EOGT: variants seen among roughly 807,000 people sequenced by gnomAD.
EOGT encodes the protein EGF domain-specific O-linked N-acetylglucosamine transferase.
EOGT carries 55 observed loss-of-function variants against 70.5 expected under a neutral mutation model. The observed-to-expected ratio is 0.78, with a 90% CI of 0.63 to 0.98. The LOEUF (loss-of-function observed/expected upper bound fraction) is 0.98. EOGT is among the 50% of genes least tolerant of loss of function. EOGT has a pLI of 0.00. For missense variants in EOGT, 703 were observed against 641.9 expected (o/e 1.10, Z -1.03); for synonymous variants, 246 against 217.1 (o/e 1.13, Z -1.17).
Position 69,004,500 on chromosome 3 carries a change from A to G in EOGT, c.516-18T>C, listed in dbSNP as rs371691021. ...CCTTAAATCTGGTATATAACAAAAC[A>G]TTAAGTTAAGTTCAGAAAACGTCTT... On this transcript the variant is annotated intron_variant, in intron 7 of 17. Coordinates refer to ENST00000383701, the MANE Select transcript of EOGT (RefSeq NM_001278689.2). 7.7e-5 allele frequency: 122 copies of G among 1,575,936 alleles called. 2 individuals are homozygous for G. In the East Asian group the frequency reaches 1.2e-3, roughly 16 times the overall value.
intron 14 of EOGT, among the ~76,000 whole-genome samples, chr3:68,984,288 A>C (rs1016142670): frequency 5.3e-5 from 8 of 152,088 alleles, no homozygotes; most frequent in African/African-American, 1.7e-4. Flanking sequence ...ACAGCCACTG[A>C]AATCTTATAA....
At chr3:68,985,145 T>C (rs2090767955) in intron 14 of EOGT, among the ~76,000 whole-genome samples, 1 of 152,228 alleles carries the variant, frequency 6.6e-6, no homozygotes, top group Non-Finnish European at 1.5e-5. Flanking sequence ...GCACTCAATA[T>C]GTATGGTCTA....
chr3:69,008,405 G>C (rs1014360255), intron 5 of EOGT, 23 bp downstream of exon 5: 4 of 1,511,826 alleles, frequency 2.6e-6, no homozygotes, highest in Non-Finnish European at 2.8e-6. Context: ...GACTTGAAGA[G>C]GGTATTCCAT....
At chr3:69,008,644 G>A (rs552082531) in intron 4 of EOGT, 116 bp from the exon 5 acceptor site, 13 of 692,444 alleles carry the variant, frequency 1.9e-5, no homozygotes, top group Admixed American at 5.4e-5. Context: ...TTTATAATAC[G>A]TATTCTTATA....
intron 16 of EOGT, 36 bp downstream of exon 16, chr3:68,979,632 A>C: frequency 6.2e-7 from 1 of 1,606,362 alleles, no homozygotes; most frequent in East Asian, 2.2e-5. Flanking sequence ...AAGCATTATC[A>C]GTTGCTTCAG....
intron 10 of EOGT, 93 bp downstream of exon 10, chr3:68,997,918 A>G (rs1485728721): frequency 1.8e-5 from 13 of 735,192 alleles, no homozygotes; most frequent in Non-Finnish European, 2.8e-5. Flanking sequence ...GTTGAAATAT[A>G]TGTGTCTTTG....
intron 3 of EOGT, 28 bp downstream of exon 3, chr3:69,011,905 CAAT>C (rs1280083329): frequency 3.3e-5 from 5 of 152,236 alleles, no homozygotes; most frequent in Non-Finnish European, 7.4e-5. Context: ...TTAATAGTAA[CAAT>C]GACTCTACTT....
chr3:69,008,065 C>G (rs1202470935), intron 5 of EOGT, among the ~76,000 whole-genome samples: 16 of 152,142 alleles, frequency 1.1e-4, no homozygotes, highest in Admixed American at 1.0e-3. Flanking sequence ...GAAACTGAAG[C>G]CAATGATGCA....
chr3:68,993,965 T>A (rs2091072204), intron 10 of EOGT, among the ~76,000 whole-genome samples: 1 of 152,076 alleles, frequency 6.6e-6, no homozygotes, highest in Non-Finnish European at 1.5e-5. Flanking sequence ...TCCCACAACA[T>A]GTGGGAATTC....
rs554651022 is a variant in EOGT at position 68,977,507 on chromosome 3, T to C, written c.*111A>G. Reference sequence around the variant, plus strand: ...AATATCCTGAAGGTATGTTTTGGCATAGAAAAGGTAATTCGGGGATAGGAA... The same window carrying C: ...AATATCCTGAAGGTATGTTTTGGCACAGAAAAGGTAATTCGGGGATAGGAA... On this transcript the variant is annotated 3_prime_UTR_variant, in exon 18 of 18. Coordinates refer to ENST00000383701, the MANE Select transcript of EOGT (RefSeq NM_001278689.2). The C allele has an allele frequency of 1.1e-5, 12 of 1,142,766 alleles. No homozygotes were observed. Among genetic ancestry groups the C allele is most frequent in the East Asian group, 4.8e-5 (2 of 41,614 alleles). 70.8% of individuals were successfully genotyped at this position (1,142,766 alleles called of 1,614,324 possible). A position where few individuals can be genotyped will look rare whatever the true frequency, so the allele number is the denominator to read the frequency against.
intron 13 of EOGT, 66 bp downstream of exon 13, chr3:68,988,229 G>T: frequency 9.3e-7 from 1 of 1,075,954 alleles, no homozygotes; most frequent in African/African-American, 1.6e-5. Context: ...TTCTGAAAAG[G>T]TGGTATCGAT....
At chr3:68,999,614 T>G (rs1296521473) in intron 9 of EOGT, among the ~76,000 whole-genome samples, 1 of 152,168 alleles carries the variant, frequency 6.6e-6, no homozygotes, top group South Asian at 2.1e-4. Flanking sequence ...TAGCTGATTG[T>G]TTGGAAGGGC....
chr3:68,978,269 C>T, intron 17 of EOGT, 64 bp downstream of exon 17: 1 of 1,157,310 alleles, frequency 8.6e-7, no homozygotes, highest in Non-Finnish European at 1.3e-6. Context: ...TTTTTCATAT[C>T]AATAATTGGA....
chr3:69,001,482 G>A (rs549807903), intron 9 of EOGT, 126 bp downstream of exon 9: 16 of 596,774 alleles, frequency 2.7e-5, no homozygotes, highest in African/African-American at 2.1e-4. Flanking sequence ...AGAGAAGAAA[G>A]CAAAAAAAAC....
chr3:68,987,046 A>T (rs192977704), intron 14 of EOGT, among the ~76,000 whole-genome samples: 100 of 152,350 alleles, frequency 6.6e-4, no homozygotes, highest in Non-Finnish European at 2.9e-4. Flanking sequence ...TGGTCATGTA[A>T]GAGGACAGAG....
At position 68,976,621 on chromosome 3, in the gene EOGT, T is replaced by C. The variant is rs2090477746; in HGVS notation, c.*997A>G. 6.8e-6 allele frequency: 1 copy of C among 147,158 alleles called. No homozygotes were observed. Among genetic ancestry groups the C allele is most frequent in the Admixed American group, 6.9e-5 (1 of 14,578 alleles). 9.1% of individuals were successfully genotyped at this position (147,158 alleles called of 1,614,324 possible). A position where few individuals can be genotyped will look rare whatever the true frequency, so the allele number is the denominator to read the frequency against. On this transcript the variant is annotated 3_prime_UTR_variant, in exon 18 of 18. Coordinates refer to ENST00000383701, the MANE Select transcript of EOGT (RefSeq NM_001278689.2). ...TCTATAACATGGTCCTATAGCTTGG[T>C]ACTGAGAATCACAACTCTGCGTGTG... is the stretch of plus-strand genomic sequence containing the variant.
rs2091301178 is a variant in EOGT, at chr3:69,001,842, C to G, written c.621-128G>C. The G allele has an allele frequency of 4.7e-6, 3 of 638,860 alleles. No individual in the cohort carries two copies. The East Asian group carries it at 9.0e-5, about 19-fold the overall frequency. 39.6% of individuals were successfully genotyped at this position (638,860 alleles called of 1,614,324 possible). On this transcript the variant is annotated intron_variant, in intron 8 of 17. Transcript: ENST00000383701. ...ATGGTACAGACACTCCTATGGACAC[C>G]TGTAACTTCTAAAACTTACTGACTT...
chr3:69,006,277 T>C (rs534236849), intron 6 of EOGT, among the ~76,000 whole-genome samples: 7 of 152,340 alleles, frequency 4.6e-5, no homozygotes, highest in African/African-American at 1.7e-4. Context: ...AAAGACACCC[T>C]GCGGCCGTGC....
chr3:68,985,655 TCTA>T (rs984013364), intron 14 of EOGT, among the ~76,000 whole-genome samples: 3 of 152,204 alleles, frequency 2.0e-5, no homozygotes, highest in African/African-American at 7.2e-5. Context: ...CCATGTCATC[TCTA>T]CTGTCATCAC....
Sources: gnomAD v4.1 joint callset for allele counts (sites outside exome capture counted in the v4.1 genomes callset) on GRCh38, gnomAD v4.1.1 for gene constraint, MANE v1.5 for transcripts, NCBI Gene and HGNC (gene_info 2026-07-23, HGNC 2026-07-21) for gene names.